CADPS2: variants seen among roughly 807,000 people sequenced by gnomAD.
CADPS2 encodes the protein calcium dependent secretion activator 2, also known as calcium-dependent secretion activator 2.
Under a neutral mutation model 172.5 loss-of-function variants are expected in CADPS2, and 93 were observed. That is an observed-to-expected ratio of 0.54 (90% CI 0.46 to 0.64). The LOEUF (loss-of-function observed/expected upper bound fraction) is 0.64. Among genes scored for constraint, CADPS2 ranks in the 30% least tolerant of loss-of-function variants. The pLI is 0.00. For synonymous variants in CADPS2, 546 were observed against 555.2 expected (o/e 0.98, Z 0.23); for missense variants, 1,420 against 1,565.9 (o/e 0.91, Z 1.57).
intron 8 of CADPS2, among the ~76,000 whole-genome samples, chr7:122,542,027 A>C (rs1051211179): frequency 6.6e-6 from 1 of 151,614 alleles, no homozygotes; most frequent in Non-Finnish European, 1.5e-5. Context: ...TAAATTATCT[A>C]TTGTGTAATG....
intron 1 of CADPS2, among the ~76,000 whole-genome samples, chr7:122,876,437 T>C (rs754981880): frequency 9.9e-5 from 15 of 152,140 alleles, no homozygotes; most frequent in Non-Finnish European, 2.2e-4. Flanking sequence ...TCACAGATCA[T>C]TGTAGCCTTG....
chr7:122,747,022 G>A (rs2092745172), intron 1 of CADPS2, among the ~76,000 whole-genome samples: 1 of 152,000 alleles, frequency 6.6e-6, no homozygotes, highest in African/African-American at 2.4e-5. Context: ...AGCCTCTAAT[G>A]GTCCCCACTA....
At chr7:122,475,902 G>A (rs576499055) in intron 12 of CADPS2, among the ~76,000 whole-genome samples, 1 of 152,246 alleles carries the variant, frequency 6.6e-6, no homozygotes, top group East Asian at 1.9e-4. Context: ...TTACCTGAAT[G>A]ATTAAATACA....
At chr7:122,385,772 G>T (rs1309830448) in intron 24 of CADPS2, among the ~76,000 whole-genome samples, 1 of 151,968 alleles carries the variant, frequency 6.6e-6, no homozygotes, top group African/African-American at 2.4e-5. Context: ...TATCACTGGT[G>T]GGCTTGTACC....
intron 1 of CADPS2, among the ~76,000 whole-genome samples, chr7:122,773,152 A>ATTTGTATTG (rs1258596865): frequency 6.6e-6 from 1 of 152,066 alleles, no homozygotes; most frequent in Non-Finnish European, 1.5e-5. Flanking sequence ...AAAGTAAGTT[A>ATTTGTATTG]TTTGTATTGA....
intron 11 of CADPS2, among the ~76,000 whole-genome samples, chr7:122,486,898 C>T (rs77253076): frequency 0.031 from 4,751 of 151,934 alleles, 211 homozygotes; most frequent in African/African-American, 0.11. Flanking sequence ...AGCAAAAATA[C>T]TATAATCACT....
intron 2 of CADPS2, among the ~76,000 whole-genome samples, chr7:122,716,477 G>A (rs1357719493): frequency 6.6e-6 from 1 of 152,060 alleles, no homozygotes; most frequent in Non-Finnish European, 1.5e-5. Context: ...GGAGCTCCCA[G>A]TCAGCAGAAA....
chr7:122,360,211 C>T (rs2039950820), intron 27 of CADPS2, among the ~76,000 whole-genome samples: 1 of 152,084 alleles, frequency 6.6e-6, no homozygotes, highest in Non-Finnish European at 1.5e-5. Context: ...TGCTGCACAA[C>T]TTGTTGGTTA....
intron 1 of CADPS2, among the ~76,000 whole-genome samples, chr7:122,770,496 G>C (rs938511220): frequency 3.3e-5 from 5 of 152,114 alleles, no homozygotes; most frequent in African/African-American, 1.2e-4. Flanking sequence ...AGTATCTGCT[G>C]CAACTCACAA....
intron 1 of CADPS2, among the ~76,000 whole-genome samples, chr7:122,759,124 C>G (rs183842125): frequency 1.2e-4 from 19 of 152,218 alleles, no homozygotes; most frequent in Middle Eastern, 3.4e-3. Flanking sequence ...CATTTTCCCT[C>G]TAAGTGGAGA....
intron 1 of CADPS2, among the ~76,000 whole-genome samples, chr7:122,773,785 A>C (rs1213294797): frequency 1.3e-5 from 2 of 152,098 alleles, no homozygotes; most frequent in Non-Finnish European, 2.9e-5. Flanking sequence ...ACTGTACTTC[A>C]AATTATCATC....
chr7:122,861,995 T>C (rs980381919), intron 1 of CADPS2, among the ~76,000 whole-genome samples: 5 of 152,174 alleles, frequency 3.3e-5, no homozygotes, highest in South Asian at 2.1e-4. Flanking sequence ...TAGACCTCCA[T>C]AGAATCAGAA....
At chr7:122,869,188 C>A (rs1036307578) in intron 1 of CADPS2, among the ~76,000 whole-genome samples, 1 of 151,972 alleles carries the variant, frequency 6.6e-6, no homozygotes, top group African/African-American at 2.4e-5. Flanking sequence ...AATTAGAAAT[C>A]CAGATCCAAG....
At position 122,580,765 on chromosome 7, in the gene CADPS2, T is replaced by C. The variant is rs114112837; in HGVS notation, c.1335+414A>G. ...GAGAGACAGATGCACTTCGGAGATA[T>C]TCTGTGATTAATCACAATGAACATG... On this transcript the variant is annotated intron_variant, in intron 7 of 29. Transcript: ENST00000449022. Among the ~76,000 whole-genome samples, 589 of 152,278 alleles carry C rather than the reference T, an allele frequency of 3.9e-3. 4 individuals carry two copies. The highest frequency in any genetic ancestry group is 0.013 in the African/African-American group (554 of 41,568).
chr7:122,404,052 A>T (rs954523671), intron 20 of CADPS2, among the ~76,000 whole-genome samples: 4 of 152,042 alleles, frequency 2.6e-5, no homozygotes, highest in Admixed American at 2.6e-4. Context: ...GCAGGTTAGT[A>T]ACATATGTAT....
intron 7 of CADPS2, among the ~76,000 whole-genome samples, chr7:122,569,040 G>T (rs1246332996): frequency 2.0e-5 from 3 of 152,080 alleles, no homozygotes; most frequent in African/African-American, 7.2e-5. Flanking sequence ...GGGCAATTAG[G>T]CAGGAGAAAG....
chr7:122,865,599 A>C (rs1318795028), intron 1 of CADPS2, among the ~76,000 whole-genome samples: 2 of 152,208 alleles, frequency 1.3e-5, no homozygotes, highest in African/African-American at 2.4e-5. Context: ...TTCCTCATTA[A>C]GACTGATGAT....
At chr7:122,487,011 C>CTT (rs535575706) in intron 11 of CADPS2, among the ~76,000 whole-genome samples, 63 of 123,238 alleles carry the variant, frequency 5.1e-4, no homozygotes, top group African/African-American at 6.2e-4. Flanking sequence ...ATAAACATAA[C>CTT]TTTTTTTTTT....
chr7:122,883,036 G>A (rs1228726702), intron 1 of CADPS2, among the ~76,000 whole-genome samples: 2 of 152,132 alleles, frequency 1.3e-5, no homozygotes, highest in Non-Finnish European at 2.9e-5. Flanking sequence ...GTCATAAACT[G>A]ACCACTATTA....
Sources: gnomAD v4.1 joint callset for allele counts (sites outside exome capture counted in the v4.1 genomes callset) on GRCh38, gnomAD v4.1.1 for gene constraint, MANE v1.5 for transcripts, NCBI Gene and HGNC (gene_info 2026-07-23, HGNC 2026-07-21) for gene names.